The following STRIP1 variants were observed in gnomAD, a reference collection of about 807,000 sequenced individuals.
STRIP1 encodes striatin-interacting protein 1.
A neutral mutation model predicts 106.2 loss-of-function variants in STRIP1; 63 were observed. The ratio of observed to expected loss-of-function variants is 0.59; its 90% CI spans 0.48 to 0.73. STRIP1 has a LOEUF of 0.73. Among genes scored for constraint, STRIP1 ranks in the 30% least tolerant of loss-of-function variants. The pLI is 0.00. For synonymous variants in STRIP1, 390 were observed against 413.0 expected, an observed-to-expected ratio of 0.94 and a Z score of 0.67; for missense variants, 857 against 1,074.8, an observed-to-expected ratio of 0.80 and a Z score of 2.83.
chr1:110,038,168 CCTTTA>C (rs1652585198), intron 2 of STRIP1: 1 of 162,654 alleles, frequency 6.1e-6, no homozygotes, highest in Non-Finnish European at 1.2e-5. Flanking sequence ...TTTGTGTTGT[CCTTTA>C]CTTTTATGAA....
At chr1:110,043,018 C>T (rs997393632) in intron 8 of STRIP1, 70 bp from the exon 9 acceptor site, 5 of 1,448,362 alleles carry the variant, frequency 3.5e-6, no homozygotes, top group Non-Finnish European at 4.7e-6. Flanking sequence ...GTTTCTGAGC[C>T]TGACACAATG....
At position 110,051,868 on chromosome 1, in the gene STRIP1, C is replaced by T. The variant is rs370148796; in HGVS notation, c.2247C>T (p.Asp749=). ...AGAAGGTGCGGCATCGGCTGAACGACGACTGGGCATACGGCAATGGTGAGA... is the reference window on the plus strand; with the variant it reads ...AGAAGGTGCGGCATCGGCTGAACGATGACTGGGCATACGGCAATGGTGAGA... ...IYQKVRHRLN[D]DWAYGNDLDA... Residue 749 remains aspartate, a synonymous_variant, in exon 20 of 21, where the codon GAC becomes GAT. Coordinates refer to ENST00000369795, the MANE Select transcript of STRIP1 (RefSeq NM_033088.4). 23 of 1,612,268 alleles carry T rather than the reference C, an allele frequency of 1.4e-5. No homozygotes were observed. The highest frequency in any genetic ancestry group is 6.7e-5 in the East Asian group (3 of 44,892).
rs769289412 is a variant in STRIP1 at position 110,039,198 on chromosome 1, G to C, written c.352G>C (p.Asp118His). 1 of 1,614,196 alleles carries C rather than the reference G, an allele frequency of 6.2e-7. No homozygotes were observed. Among genetic ancestry groups the C allele is most frequent in the South Asian group, 1.1e-5 (1 of 91,080 alleles). The part of the protein sequence containing the change: ...HVTDKKWTEL[D>H]TNQHRTHAMR... The stretch of plus-strand genomic sequence containing the variant: ...GACAGACAAGAAGTGGACTGAGCTG[G>C]ATACCAACCAGCACCGGACCCATGC... Residue 118 changes from aspartate (D) to histidine (H), a missense_variant, in exon 4 of 21, where the codon GAT becomes CAT. Physicochemically the swap from Asp to His is moderately conservative, Grantham distance 81 (BLOSUM62 -1). Coordinates refer to ENST00000369795, the MANE Select transcript of STRIP1 (RefSeq NM_033088.4).
Position 110,041,670 on chromosome 1 carries a change from G to A in STRIP1, c.757+28G>A, listed in dbSNP as rs753020588. ...AGGACCCTGGGGATCCTCTCTAGAG[G>A]CCCTGCCTGGAAGCTGAGGCGGAAG... On this transcript the variant is annotated intron_variant, in intron 7 of 20. Coordinates refer to ENST00000369795, the MANE Select transcript of STRIP1 (RefSeq NM_033088.4). The A allele has an allele frequency of 9.3e-6, 15 of 1,614,012 alleles. No individual in the cohort carries two copies. The East Asian group carries it at 2.7e-4, about 29-fold the overall frequency.
In STRIP1 at chr1:110,047,562, A is replaced by G; in HGVS notation, c.1509A>G (p.Gln503=). 1 of 1,612,152 alleles carries G rather than the reference A, an allele frequency of 6.2e-7. No individual in the cohort carries two copies. Among genetic ancestry groups the G allele is most frequent in the Non-Finnish European group, 8.5e-7 (1 of 1,179,160 alleles). The part of the protein sequence containing the change: ...PLSGGEEEVE[Q]VPAETLYQGL... ...AAAAGGGAGAAGAAGAAGTTGAGCA[A>G]GTCCCTGCAGAAACCCTCTACCAAG... is the stretch of plus-strand genomic sequence containing the variant. The change falls in exon 14 of 21, where the codon CAA becomes CAG. Residue 503 remains glutamine, a synonymous_variant. Transcript: ENST00000369795.
Position 110,049,442 on chromosome 1 carries a change from T to C in STRIP1, c.1789-18T>C, listed in dbSNP as rs1653186315. ...GGGCCGCGCCTTTTTTTTTTTTTTT[T>C]TTTCCTGTTGGCTTCAGTTTGAATA... On this transcript the variant is annotated intron_variant, in intron 16 of 20. Transcript: ENST00000369795. The C allele has an allele frequency of 1.3e-6, 2 of 1,571,092 alleles. No individual in the cohort carries two copies. Among genetic ancestry groups the C allele is most frequent in the Non-Finnish European group, 1.7e-6 (2 of 1,163,186 alleles).
intron 10 of STRIP1, among the ~76,000 whole-genome samples, chr1:110,044,397 A>C (rs1421695803): frequency 6.6e-6 from 1 of 152,246 alleles, no homozygotes; most frequent in Non-Finnish European, 1.5e-5. Context: ...CTCAGTTTTC[A>C]GTGATCTGTG....
rs754239456 is a variant in STRIP1, at chr1:110,043,594, G to A, written c.1069-45G>A. ...TCCTCTGGCTGCACTTCCCTGGTCT[G>A]CGTCCTCAGTTGGCTCTTGTCTCAT... On this transcript the variant is annotated intron_variant, in intron 9 of 20. Transcript: ENST00000369795. 7 of 1,541,860 alleles carry A rather than the reference G, an allele frequency of 4.5e-6. No individual in the cohort carries two copies. The South Asian group carries it at 6.9e-5, about 15-fold the overall frequency.
intron 1 of STRIP1, among the ~76,000 whole-genome samples, chr1:110,036,530 G>C (rs1652463949): frequency 6.6e-6 from 1 of 152,160 alleles, no homozygotes; most frequent in Non-Finnish European, 1.5e-5. Flanking sequence ...GCAGAGACCT[G>C]TCTAAATCCA....
intron 15 of STRIP1, 175 bp downstream of exon 15, chr1:110,048,044 G>A (rs962336019): frequency 1.6e-5 from 10 of 608,304 alleles, no homozygotes; most frequent in Non-Finnish European, 2.3e-5. Context: ...TTGGGGAGAT[G>A]GCTTGGTCCT....
intron 18 of STRIP1, 152 bp from the exon 19 acceptor site, chr1:110,050,804 T>G: frequency 1.6e-6 from 1 of 613,980 alleles, no homozygotes; most frequent in South Asian, 1.9e-5. Context: ...TGCCAGCTTC[T>G]GGGATGGAGT....
rs763395767 is a variant in STRIP1 at position 110,049,474 on chromosome 1, C to T, written c.1803C>T (p.Ala601=). ...GTTGGCTTCAGTTTGAATACATGGCCCAGCACCTGGTGTTTGCCAACTGCA... is the reference window on the plus strand; with the variant it reads ...GTTGGCTTCAGTTTGAATACATGGCTCAGCACCTGGTGTTTGCCAACTGCA... ...LNHVYQFEYM[A]QHLVFANCIP... is the part of the protein sequence containing the mutation. Residue 601 remains alanine, a synonymous_variant, in exon 17 of 21, where the codon GCC becomes GCT. Transcript: ENST00000369795. 1 of 1,611,958 alleles carries T rather than the reference C, an allele frequency of 6.2e-7. No homozygotes were observed. Among genetic ancestry groups the T allele is most frequent in the Non-Finnish European group, 8.5e-7 (1 of 1,178,810 alleles).
intron 13 of STRIP1, 55 bp from the exon 14 acceptor site, chr1:110,047,487 T>C (rs1570925260): frequency 6.9e-7 from 1 of 1,455,930 alleles, no homozygotes; most frequent in Non-Finnish European, 9.5e-7. Flanking sequence ...GGAAGCTGGC[T>C]CAGGAGATTG....
chr1:110,054,472 G>C lies in STRIP1; in HGVS notation c.*560G>C, dbSNP rs903547078. 8.4e-5 allele frequency: 13 copies of C among 154,066 alleles called. No homozygotes were observed. The highest frequency in any genetic ancestry group is 3.1e-4 in the African/African-American group (13 of 41,434). 9.5% of individuals were successfully genotyped at this position (154,066 alleles called of 1,614,324 possible). ...CAGCTGCCTCAGCACTTTGATTTTG[G>C]ACAGGGACAAGGTAGGAAGAGAAGC... On this transcript the variant is annotated 3_prime_UTR_variant, in exon 21 of 21. Coordinates refer to ENST00000369795, the MANE Select transcript of STRIP1 (RefSeq NM_033088.4).
rs1653415665 is a variant in STRIP1 at position 110,053,849 on chromosome 1, TGA to T, written c.2452_2453del (p.Asp818ProfsTer35). 1 of 1,614,058 alleles carries T rather than the reference TGA, an allele frequency of 6.2e-7. No individual in the cohort carries two copies. Among genetic ancestry groups the T allele is most frequent in the South Asian group, 1.1e-5 (1 of 91,088 alleles). ...DLPEDFQMNY[D>X]LWLEREVFSK... Reference sequence around the variant, plus strand: ...TCCCTGAGGACTTTCAGATGAACTATGACCTCTGGTTAGAAAGGGAGGTCTTC... The same window carrying T: ...TCCCTGAGGACTTTCAGATGAACTATCCTCTGGTTAGAAAGGGAGGTCTTC... On this transcript the variant is annotated frameshift_variant, in exon 21 of 21. Transcript: ENST00000369795. LOFTEE classifies it high-confidence loss of function.
chr1:110,039,329 G>A, intron 4 of STRIP1, 23 bp downstream of exon 4: 5 of 1,614,042 alleles, frequency 3.1e-6, no homozygotes, highest in Non-Finnish European at 4.2e-6. Flanking sequence ...CCTCCCCAGG[G>A]TTCCCTGGCA....
intron 9 of STRIP1, 80 bp downstream of exon 9, chr1:110,043,350 G>C: frequency 1.4e-6 from 2 of 1,412,230 alleles, no homozygotes; most frequent in Non-Finnish European, 1.9e-6. Flanking sequence ...TGGAGGAGCA[G>C]GGCTGCTGGA....
At chr1:110,033,575 G>T (rs1470905852), upstream of STRIP1, among the ~76,000 whole-genome samples, 1 of 152,206 alleles carries the variant, frequency 6.6e-6, no homozygotes, top group Non-Finnish European at 1.5e-5. Flanking sequence ...CTCTCACGGT[G>T]AGAAAGCAAG....
In STRIP1 at chr1:110,046,198, C is replaced by A. The variant is rs541267792; in HGVS notation, c.1417-482C>A. Among the ~76,000 whole-genome samples, 28 of 152,196 alleles carry A rather than the reference C, an allele frequency of 1.8e-4. 1 individual carries two copies. The highest frequency in any genetic ancestry group is 6.7e-4 in the African/African-American group (28 of 41,530). On this transcript the variant is annotated intron_variant, in intron 12 of 20. Transcript: ENST00000369795. Reference sequence around the variant, plus strand: ...ACTGTAGTTGCAAGAGGAAGGGGCCCTTTTAGAAAAATATTTTGGGGCCAG... The same window carrying A: ...ACTGTAGTTGCAAGAGGAAGGGGCCATTTTAGAAAAATATTTTGGGGCCAG...
Sources: allele counts gnomAD v4.1 joint callset (sites outside exome capture counted in the v4.1 genomes callset), GRCh38; gene constraint gnomAD v4.1.1; transcripts MANE v1.5; gene names NCBI Gene and HGNC (gene_info 2026-07-23, HGNC 2026-07-21).